CABP5: variants seen among roughly 807,000 people sequenced by gnomAD.
CABP5 encodes calcium-binding protein 5.
In CABP5, 17 loss-of-function variants were observed where a neutral mutation model predicts 21.9. The ratio of observed to expected loss-of-function variants is 0.78; its 90% CI spans 0.53 to 1.17. The LOEUF is 1.17. Among genes scored for constraint, CABP5 ranks in the 50% most tolerant of loss-of-function variants. CABP5 has a pLI of 0.00. For missense variants in CABP5, 229 were observed against 228.9 expected (o/e 1.00, Z 0.00); for synonymous variants, 85 against 79.4 (o/e 1.07, Z -0.37).
At chr19:48,034,487 T>A in intron 4 of CABP5, 125 bp from the exon 5 acceptor site, 1 of 573,712 alleles carries the variant, frequency 1.7e-6, no homozygotes, top group Non-Finnish European at 2.7e-6. Context: ...TGTGAGCCAC[T>A]AGAACGTCAG....
At chr19:48,036,008 A>G (rs1967404184) in intron 4 of CABP5, among the ~76,000 whole-genome samples, 1 of 152,212 alleles carries the variant, frequency 6.6e-6, no homozygotes, top group African/African-American at 2.4e-5. Flanking sequence ...GAAACCAATT[A>G]GAGGGCCGCC....
Position 48,044,043 on chromosome 19 carries a change from CTT to C in CABP5, c.-123_-122del. ...TCCTTTGCCACCTCTTCCTGCCTCTCTTGGCTTCTCCTTCGGTCCCGGTGTCT... is the reference window on the plus strand; with the variant it reads ...TCCTTTGCCACCTCTTCCTGCCTCTCGGCTTCTCCTTCGGTCCCGGTGTCT... On this transcript the variant is annotated 5_prime_UTR_variant, in exon 1 of 6. Coordinates refer to ENST00000293255, the MANE Select transcript of CABP5 (RefSeq NM_019855.5). 1 of 806,376 alleles carries C rather than the reference CTT, an allele frequency of 1.2e-6. No individual in the cohort carries two copies. Among genetic ancestry groups the C allele is most frequent in the Non-Finnish European group, 1.9e-6 (1 of 530,996 alleles). The allele number at this position is 806,376 out of a possible 1,614,324, so 50.0% of individuals were successfully genotyped here. A position where few individuals can be genotyped will look rare whatever the true frequency, so the allele number is the denominator to read the frequency against.
rs1967517038 is a variant in CABP5 at position 48,043,939 on chromosome 19, G to C, written c.-17C>G. The C allele has an allele frequency of 6.6e-7, 1 of 1,505,570 alleles. No individual in the cohort carries two copies. Among genetic ancestry groups the C allele is most frequent in the African/African-American group, 1.5e-5 (1 of 68,020 alleles). 93.3% of individuals were successfully genotyped at this position (1,505,570 alleles called of 1,614,324 possible). ...GAACTGCATGGAGGGGTGGGGTGGA[G>C]CTCGCAGGGCACCAGTCTCAAGATG... On this transcript the variant is annotated 5_prime_UTR_variant, in exon 1 of 6. Coordinates refer to ENST00000293255, the MANE Select transcript of CABP5 (RefSeq NM_019855.5).
rs143328455 is a variant in CABP5 at position 48,031,683 on chromosome 19, A to G, written c.497-1101T>C. ...ATACCTGAGGCCACGTGGATAGTGA[A>G]TGGTGAACCCTGGAAGGAATGCAGG... On this transcript the variant is annotated intron_variant, in intron 5 of 5. Coordinates refer to ENST00000293255, the MANE Select transcript of CABP5 (RefSeq NM_019855.5). Among the ~76,000 whole-genome samples the G allele has an allele frequency of 2.3e-3, 347 of 152,284 alleles. 2 individuals are homozygous for G. Among genetic ancestry groups the G allele is most frequent in the African/African-American group, 8.1e-3 (336 of 41,562 alleles).
In CABP5 at chr19:48,030,584, T is replaced by C. The variant is rs767916564; in HGVS notation, c.497-2A>G. 3.1e-6 allele frequency: 5 copies of C among 1,608,906 alleles called. No homozygotes were observed. Among genetic ancestry groups the C allele is most frequent in the Admixed American group, 1.7e-5 (1 of 59,496 alleles). Reference sequence around the variant, plus strand: ...AGCGAGACATCATCTTCACAAACTCTGCAAAGAAAAAAAAAAATCCCCAGT... The same window carrying C: ...AGCGAGACATCATCTTCACAAACTCCGCAAAGAAAAAAAAAAATCCCCAGT... On this transcript the variant is annotated splice_acceptor_variant, in intron 5 of 5. Coordinates refer to ENST00000293255, the MANE Select transcript of CABP5 (RefSeq NM_019855.5). LOFTEE classifies it high-confidence loss of function.
At chr19:48,033,448 T>A (rs931312694) in intron 5 of CABP5, among the ~76,000 whole-genome samples, 2 of 152,166 alleles carry the variant, frequency 1.3e-5, no homozygotes, top group Non-Finnish European at 2.9e-5. Context: ...ATGAAGGAAT[T>A]GGTCCATGGT....
chr19:48,041,790 C>T (rs896437334), intron 1 of CABP5, among the ~76,000 whole-genome samples, 187 bp from the exon 2 acceptor site: 5 of 152,024 alleles, frequency 3.3e-5, no homozygotes, highest in African/African-American at 1.2e-4. Flanking sequence ...GGCTCCCCAC[C>T]CCCCTCTCGA....
intron 5 of CABP5, among the ~76,000 whole-genome samples, chr19:48,030,973 T>A (rs903589313): frequency 1.3e-5 from 2 of 151,980 alleles, no homozygotes; most frequent in Non-Finnish European, 2.9e-5. Context: ...TACAAAAAAA[T>A]TAAAAAATTA....
At chr19:48,035,761 T>A (rs766184150) in intron 4 of CABP5, among the ~76,000 whole-genome samples, 2 of 152,054 alleles carry the variant, frequency 1.3e-5, no homozygotes, top group Non-Finnish European at 2.9e-5. Context: ...AGGCGTGAGC[T>A]GGGGAGAAAT....
At chr19:48,037,712 A>G (rs1339960748) in intron 4 of CABP5, among the ~76,000 whole-genome samples, 1 of 152,200 alleles carries the variant, frequency 6.6e-6, no homozygotes, top group Admixed American at 6.5e-5. Context: ...TAATTTAGCT[A>G]TGTAAGTAGC....
intron 4 of CABP5, among the ~76,000 whole-genome samples, chr19:48,034,569 A>C (rs1967385339): frequency 7.3e-6 from 1 of 136,316 alleles, no homozygotes; most frequent in Non-Finnish European, 1.5e-5. Flanking sequence ...TTTATTTGAG[A>C]CAGTCTCACC....
chr19:48,041,089 G>A (rs940301562), intron 2 of CABP5, among the ~76,000 whole-genome samples: 2 of 152,132 alleles, frequency 1.3e-5, no homozygotes, highest in Admixed American at 6.5e-5. Flanking sequence ...CCTCAGCCAA[G>A]GCAGAAGAAT....
At chr19:48,031,377 T>C (rs942844579) in intron 5 of CABP5, among the ~76,000 whole-genome samples, 60 of 152,072 alleles carry the variant, frequency 3.9e-4, no homozygotes, top group African/African-American at 1.4e-3. Flanking sequence ...CCGTCTCTAC[T>C]AAAAATACAA....
intron 5 of CABP5, among the ~76,000 whole-genome samples, chr19:48,033,025 T>C (rs1416832267): frequency 1.3e-5 from 2 of 151,246 alleles, no homozygotes; most frequent in African/African-American, 2.4e-5. Context: ...TTTTTTTTTT[T>C]TTTTTTTGGA....
intron 4 of CABP5, among the ~76,000 whole-genome samples, chr19:48,036,488 G>C (rs1465085770): frequency 6.6e-6 from 1 of 152,192 alleles, no homozygotes; most frequent in African/African-American, 2.4e-5. Flanking sequence ...GAAGCAGAGA[G>C]TAGAAGGATA....
rs1314040753 is a variant in CABP5, at chr19:48,040,707, C to T, written c.136G>A (p.Gly46Arg). The T allele has an allele frequency of 5.6e-6, 9 of 1,613,924 alleles. No individual in the cohort carries two copies. In the Admixed American group the frequency reaches 1.2e-4, roughly 21 times the overall value. ...AFLEFDKDRD[G>R]FISCKDLGNL... is the part of the protein sequence containing the mutation. ...CCCAGATCCTTACAAGAGATGAACC[C>T]ATCTCGGTCCTTATCGAACTCAAGA... The change falls in exon 3 of 6, where the codon GGG becomes AGG. Residue 46 changes from glycine to arginine, a missense_variant. Coordinates refer to ENST00000293255, the MANE Select transcript of CABP5 (RefSeq NM_019855.5).
chr19:48,036,633 A>G (rs1967411442), intron 4 of CABP5, among the ~76,000 whole-genome samples: 2 of 152,214 alleles, frequency 1.3e-5, no homozygotes, highest in South Asian at 4.1e-4. Flanking sequence ...CATAATGACA[A>G]ATATTGCTTT....
intron 1 of CABP5, among the ~76,000 whole-genome samples, chr19:48,042,612 T>C (rs1243159022): frequency 1.3e-5 from 2 of 151,708 alleles, no homozygotes; most frequent in Non-Finnish European, 2.9e-5. Context: ...TCTCGCTCTG[T>C]CACCCAAGCT....
rs115660241 is a variant in CABP5, at chr19:48,030,422, G to A, written c.*135C>T. On this transcript the variant is annotated 3_prime_UTR_variant, in exon 6 of 6. Coordinates refer to ENST00000293255, the MANE Select transcript of CABP5 (RefSeq NM_019855.5). The stretch of plus-strand genomic sequence containing the variant: ...TGGGTCTCACCCCATGCACAGCGCC[G>A]CATGCCAATGCCCTCCCTCCCGCCT... The A allele has an allele frequency of 7.4e-6, 6 of 814,916 alleles. No homozygotes were observed. The highest frequency in any genetic ancestry group is 5.2e-5 in the African/African-American group (3 of 57,166). 50.5% of individuals were successfully genotyped at this position (814,916 alleles called of 1,614,324 possible). A position where few individuals can be genotyped will look rare whatever the true frequency, so the allele number is the denominator to read the frequency against.
Sources: gnomAD v4.1 joint callset for allele counts (sites outside exome capture counted in the v4.1 genomes callset) on GRCh38, gnomAD v4.1.1 for gene constraint, MANE v1.5 for transcripts, NCBI Gene and HGNC (gene_info 2026-07-23, HGNC 2026-07-21) for gene names.